The following WWOX variants were observed in gnomAD, a reference collection of about 807,000 sequenced individuals.
WWOX encodes the protein WW domain containing oxidoreductase, also known as WW domain-containing oxidoreductase.
Under a neutral mutation model 46.2 loss-of-function variants are expected in WWOX, and 69 were observed. The observed-to-expected ratio is 1.49, with a 90% CI of 1.23 to 1.82. WWOX has a LOEUF of 1.82. Ranked by LOEUF, WWOX falls within the 40% of genes most tolerant of loss-of-function variation. The pLI is 0.00. For synonymous variants in WWOX, 359 were observed against 202.6 expected (o/e 1.77, Z -6.56); for missense variants, 919 against 542.6 (o/e 1.69, Z -6.89).
At chr16:79,121,585 G>T (rs577609932) in intron 8 of WWOX, among the ~76,000 whole-genome samples, 4 of 152,230 alleles carry the variant, frequency 2.6e-5, no homozygotes, top group East Asian at 1.9e-4. Context: ...ACAAGAGACC[G>T]TGCTGGTGAG....
chr16:78,157,122 G>T (rs1400449993), intron 4 of WWOX, among the ~76,000 whole-genome samples: 1 of 151,400 alleles, frequency 6.6e-6, no homozygotes, highest in African/African-American at 2.4e-5. Context: ...AGATATTCCT[G>T]ATCATTGCTT....
intron 8 of WWOX, among the ~76,000 whole-genome samples, chr16:79,042,236 C>G (rs982360734): frequency 6.6e-6 from 1 of 152,190 alleles, no homozygotes. Context: ...AGCCCACGCT[C>G]TCTTACACCC....
intron 8 of WWOX, chr16:78,825,236 A>T (rs2051618129): frequency 8.6e-6 from 2 of 232,098 alleles, no homozygotes; most frequent in Non-Finnish European, 1.7e-5. Context: ...GTGAGATCTA[A>T]GAGAGGCACA....
intron 8 of WWOX, among the ~76,000 whole-genome samples, chr16:78,638,686 G>A (rs915012644): frequency 6.6e-6 from 1 of 152,172 alleles, no homozygotes; most frequent in Non-Finnish European, 1.5e-5. Flanking sequence ...GAGAGATAGA[G>A]CACTTCAGAT....
intron 8 of WWOX, among the ~76,000 whole-genome samples, chr16:79,083,015 C>G (rs1250622673): frequency 1.3e-5 from 2 of 152,180 alleles, no homozygotes; most frequent in African/African-American, 4.8e-5. Context: ...GCACTCCTAC[C>G]AAAGACACAG....
chr16:78,529,424 C>G (rs747962306), intron 8 of WWOX, among the ~76,000 whole-genome samples: 2 of 152,050 alleles, frequency 1.3e-5, no homozygotes, highest in African/African-American at 2.4e-5. Context: ...TTCTTTCTGT[C>G]GGGTCCCGTG....
intron 8 of WWOX, among the ~76,000 whole-genome samples, chr16:79,189,898 A>C (rs1289583685): frequency 4.7e-5 from 6 of 128,434 alleles, no homozygotes; most frequent in Admixed American, 1.7e-4. Flanking sequence ...TTCATATTCT[A>C]CCTAGTTTTA....
chr16:78,797,629 G>C (rs79841510), intron 8 of WWOX, among the ~76,000 whole-genome samples: 2 of 152,092 alleles, frequency 1.3e-5, no homozygotes, highest in African/African-American at 2.4e-5. Flanking sequence ...AAAATAGGAA[G>C]ATTCGTCCAG....
rs138037738 is a variant in WWOX at position 78,964,416 on chromosome 16, A to G, written c.1057-247192A>G. Among the ~76,000 whole-genome samples the G allele has an allele frequency of 8.3e-3, 1,266 of 152,362 alleles. 14 individuals are homozygous for G. Among genetic ancestry groups the G allele is most frequent in the East Asian group, 0.028 (147 of 5,188 alleles). ...GTTATGTTTTAACAAAGAGACTGGC[A>G]GCATTTTGCCCCTGCGCTAGAGATT... On this transcript the variant is annotated intron_variant, in intron 8 of 8. Transcript: ENST00000566780.
chr16:79,169,411 G>C (rs1597441257), intron 8 of WWOX, among the ~76,000 whole-genome samples: 1 of 152,214 alleles, frequency 6.6e-6, no homozygotes, highest in Non-Finnish European at 1.5e-5. Flanking sequence ...GGAACTTGGA[G>C]AAATGCAGTG....
chr16:78,685,436 C>T (rs373786736), intron 8 of WWOX, among the ~76,000 whole-genome samples: 25 of 152,258 alleles, frequency 1.6e-4, no homozygotes, highest in African/African-American at 5.5e-4. Flanking sequence ...TGGGAATGTT[C>T]TCCTAATAGT....
rs561233659 is a variant in WWOX at position 78,439,502 on chromosome 16, C to G, written c.1056+6750C>G. 6.6e-5 allele frequency among the ~76,000 whole-genome samples: 10 copies of G among 152,276 alleles called. No homozygotes were observed. The South Asian group carries it at 2.1e-3, about 32-fold the overall frequency. On this transcript the variant is annotated intron_variant, in intron 8 of 8. Transcript: ENST00000566780. ...TAGTCTTACGTCATTATGTCCAAAG[C>G]TTTTAAGTTTACAGTGCTTGCTTAG...
At chr16:78,334,955 A>G (rs2080853397) in intron 5 of WWOX, among the ~76,000 whole-genome samples, 1 of 150,520 alleles carries the variant, frequency 6.6e-6, no homozygotes, top group African/African-American at 2.4e-5. Flanking sequence ...AAAATGTGAG[A>G]TGGGCGTTTA....
intron 8 of WWOX, among the ~76,000 whole-genome samples, chr16:78,956,378 C>G (rs1037008008): frequency 8.5e-5 from 13 of 152,198 alleles, no homozygotes; most frequent in African/African-American, 3.1e-4. Context: ...TGGTCTCTAA[C>G]TCCTGACCTC....
intron 8 of WWOX, among the ~76,000 whole-genome samples, chr16:79,058,755 C>T (rs1490504179): frequency 6.6e-6 from 1 of 152,148 alleles, no homozygotes; most frequent in Non-Finnish European, 1.5e-5. Context: ...TTACGATATA[C>T]TTCTACTAAA....
chr16:78,372,381 T>C (rs978461327), intron 5 of WWOX, among the ~76,000 whole-genome samples: 2 of 152,250 alleles, frequency 1.3e-5, no homozygotes, highest in African/African-American at 4.8e-5. Context: ...CTGCTCTATA[T>C]AATAGAAGGT....
At position 79,070,769 on chromosome 16, in the gene WWOX, T is replaced by C. The variant is rs181357115; in HGVS notation, c.1057-140839T>C. ...CAATGGAAAGGCCTCTTTTAACATTTGATTTGTTTCTTCAAAGAACACAGA... is the reference window on the plus strand; with the variant it reads ...CAATGGAAAGGCCTCTTTTAACATTCGATTTGTTTCTTCAAAGAACACAGA... On this transcript the variant is annotated intron_variant, in intron 8 of 8. Transcript: ENST00000566780. 2.9e-3 allele frequency among the ~76,000 whole-genome samples: 444 copies of C among 152,320 alleles called. 4 individuals carry two copies. The highest frequency in any genetic ancestry group is 4.8e-3 in the South Asian group (23 of 4,830).
intron 8 of WWOX, among the ~76,000 whole-genome samples, chr16:78,804,981 G>C (rs560875156): frequency 3.3e-5 from 5 of 152,274 alleles, no homozygotes; most frequent in African/African-American, 9.6e-5. Flanking sequence ...ATTGATATTT[G>C]GGAAGTTTCC....
chr16:78,470,517 TATGTATGTATGC>T (rs1395956436), intron 8 of WWOX, among the ~76,000 whole-genome samples: 2 of 152,034 alleles, frequency 1.3e-5, no homozygotes, highest in African/African-American at 4.8e-5. Flanking sequence ...TGTATGTATA[TATGTATGTATGC>T]ATGTATGTAT....
Sources: allele counts gnomAD v4.1 joint callset (sites outside exome capture counted in the v4.1 genomes callset), GRCh38; gene constraint gnomAD v4.1.1; transcripts MANE v1.5; gene names NCBI Gene and HGNC (gene_info 2026-07-23, HGNC 2026-07-21).